GPR155: variants seen among roughly 807,000 people sequenced by gnomAD.
GPR155 encodes the protein lysosomal cholesterol signaling protein.
Under a neutral mutation model 93.1 loss-of-function variants are expected in GPR155, and 65 were observed. The ratio of observed to expected loss-of-function variants is 0.70; its 90% CI spans 0.57 to 0.86. GPR155 has a LOEUF of 0.86. GPR155 is among the 40% of genes least tolerant of loss of function. The pLI is 0.00. For synonymous variants in GPR155, 319 were observed against 360.1 expected (o/e 0.89, Z 1.29); for missense variants, 838 against 1,034.8 (o/e 0.81, Z 2.61).
intron 6 of GPR155, 43 bp downstream of exon 6, chr2:174,466,488 ACAGTAGAATAATC>A: frequency 2.1e-6 from 2 of 954,370 alleles, no homozygotes; most frequent in Non-Finnish European, 3.3e-6. Context: ...TTTCTCCTCT[ACAGTAGAATAATC>A]CATTAGAAAA....
At chr2:174,455,611 C>G (rs1687493380) in intron 10 of GPR155, among the ~76,000 whole-genome samples, 2 of 152,102 alleles carry the variant, frequency 1.3e-5, no homozygotes, top group African/African-American at 4.8e-5. Flanking sequence ...ACTGGAGGCC[C>G]AAGTCGGGAG....
chr2:174,477,951 A>G (rs1346029239), intron 2 of GPR155, among the ~76,000 whole-genome samples: 2 of 152,168 alleles, frequency 1.3e-5, no homozygotes, highest in Admixed American at 6.5e-5. Flanking sequence ...AAATCATTCT[A>G]TTATGTAATG....
At position 174,436,104 on chromosome 2, in the gene GPR155, C is replaced by G. The variant is rs202020371; in HGVS notation, c.*12G>C. The stretch of plus-strand genomic sequence containing the variant: ...AGAATATGATTCCATGTAGGGTTCT[C>G]CCCTGCATAATTTAGGTCTTAGGGG... On this transcript the variant is annotated 3_prime_UTR_variant, in exon 16 of 16. Transcript: ENST00000392552. 1.2e-6 allele frequency: 2 copies of G among 1,600,846 alleles called. No homozygotes were observed. Among genetic ancestry groups the G allele is most frequent in the East Asian group, 4.5e-5 (2 of 44,780 alleles).
intron 11 of GPR155, among the ~76,000 whole-genome samples, chr2:174,451,047 C>T (rs1293635960): frequency 1.3e-5 from 2 of 152,086 alleles, no homozygotes; most frequent in Non-Finnish European, 2.9e-5. Context: ...CGGCAGCTGA[C>T]GCCTGTAATC....
At chr2:174,462,297 T>G (rs527340016) in intron 7 of GPR155, among the ~76,000 whole-genome samples, 1 of 152,184 alleles carries the variant, frequency 6.6e-6, no homozygotes, top group East Asian at 1.9e-4. Context: ...GTTTGGAATC[T>G]AAGTATAACT....
At chr2:174,437,604 C>CA (rs1559094415) in intron 15 of GPR155, among the ~76,000 whole-genome samples, 5 of 98,054 alleles carry the variant, frequency 5.1e-5, no homozygotes, top group Non-Finnish European at 7.6e-5. Flanking sequence ...TTTTTTGAGA[C>CA]AAAGTTTCAC....
chr2:174,476,424 T>C (rs1273771880), intron 2 of GPR155, among the ~76,000 whole-genome samples: 2 of 151,958 alleles, frequency 1.3e-5, no homozygotes, highest in East Asian at 3.9e-4. Flanking sequence ...GCCAACACGG[T>C]GAAACCCCAT....
intron 1 of GPR155, chr2:174,482,927 G>A (rs1426939190): frequency 6.6e-6 from 1 of 152,206 alleles, no homozygotes; most frequent in African/African-American, 2.4e-5. Context: ...ATCTGGAACA[G>A]AGTAATTACT....
chr2:174,447,362 ATAAT>A (rs1687166662), intron 11 of GPR155, among the ~76,000 whole-genome samples: 1 of 146,868 alleles, frequency 6.8e-6, no homozygotes, highest in South Asian at 2.1e-4. Context: ...TAATTTTTAT[ATAAT>A]TAATATAATT....
At chr2:174,461,332 T>C in intron 9 of GPR155, 70 bp downstream of exon 9, 1 of 886,764 alleles carries the variant, frequency 1.1e-6, no homozygotes, top group Non-Finnish European at 1.9e-6. Context: ...TTAATATAAG[T>C]CTAGCAAGGC....
chr2:174,435,314 C>T lies in GPR155; in HGVS notation c.*802G>A, dbSNP rs1686743645. 1 of 152,050 alleles carries T rather than the reference C, an allele frequency of 6.6e-6. No individual in the cohort carries two copies. The highest frequency in any genetic ancestry group is 2.1e-4 in the South Asian group (1 of 4,836). The allele number at this position is 152,050 out of a possible 1,614,324, so 9.4% of individuals were successfully genotyped here. ...TAGTGAACATGTACAGACTGTTTTTCTTATTGTTATTCCCTAAACAATACA... is the reference window on the plus strand; with the variant it reads ...TAGTGAACATGTACAGACTGTTTTTTTTATTGTTATTCCCTAAACAATACA... On this transcript the variant is annotated 3_prime_UTR_variant, in exon 16 of 16. Coordinates refer to ENST00000392552, the MANE Select transcript of GPR155 (RefSeq NM_152529.7).
At chr2:174,437,460 A>T (rs1166185638) in intron 15 of GPR155, among the ~76,000 whole-genome samples, 1 of 152,190 alleles carries the variant, frequency 6.6e-6, no homozygotes, top group Non-Finnish European at 1.5e-5. Flanking sequence ...ATTTAGAGAT[A>T]AGTTATCTTA....
intron 11 of GPR155, among the ~76,000 whole-genome samples, chr2:174,448,977 G>T (rs1448419059): frequency 1.3e-5 from 2 of 152,032 alleles, no homozygotes; most frequent in Non-Finnish European, 2.9e-5. Flanking sequence ...GAAAATATTC[G>T]CACACTATGC....
At chr2:174,440,087 A>T (rs970034852) in intron 14 of GPR155, 52 bp from the exon 15 acceptor site, 2 of 1,505,018 alleles carry the variant, frequency 1.3e-6, no homozygotes, top group African/African-American at 2.8e-5. Context: ...ACTGAGAGAG[A>T]ACTCTTCCTG....
chr2:174,439,052 G>A (rs1468479984), intron 15 of GPR155, among the ~76,000 whole-genome samples: 1 of 152,254 alleles, frequency 6.6e-6, no homozygotes, highest in South Asian at 2.1e-4. Flanking sequence ...CGGCAGTTCA[G>A]GAGCTGAGTT....
chr2:174,470,591 C>G, intron 3 of GPR155, 36 bp from the exon 4 acceptor site: 2 of 1,593,662 alleles, frequency 1.3e-6, no homozygotes, highest in Non-Finnish European at 1.7e-6. Context: ...TACCTGATAT[C>G]AAAGCATGGT....
chr2:174,470,591 C>T, intron 3 of GPR155, 36 bp from the exon 4 acceptor site: 1 of 1,593,662 alleles, frequency 6.3e-7, no homozygotes, highest in Non-Finnish European at 8.5e-7. Flanking sequence ...TACCTGATAT[C>T]AAAGCATGGT....
intron 2 of GPR155, among the ~76,000 whole-genome samples, chr2:174,481,147 TTAA>T (rs955300052): frequency 4.6e-5 from 7 of 152,328 alleles, no homozygotes; most frequent in South Asian, 2.1e-4. Flanking sequence ...TCACAAACAC[TTAA>T]TAATAACTAT....
chr2:174,463,907 T>C (rs1687769343), intron 7 of GPR155, among the ~76,000 whole-genome samples: 1 of 152,228 alleles, frequency 6.6e-6, no homozygotes, highest in Non-Finnish European at 1.5e-5. Context: ...TTGAGGTCCT[T>C]GAGAATTGGT....
Sources: gnomAD v4.1 joint callset for allele counts (sites outside exome capture counted in the v4.1 genomes callset) on GRCh38, gnomAD v4.1.1 for gene constraint, MANE v1.5 for transcripts, NCBI Gene and HGNC (gene_info 2026-07-23, HGNC 2026-07-21) for gene names.